Variants in UPF3B observed in about 807,000 individuals in gnomAD.
UPF3B encodes UPF3B regulator of nonsense mediated mRNA decay, also known as regulator of nonsense transcripts 3B.
UPF3B carries 7 observed loss-of-function variants against 40.3 expected under a neutral mutation model. The observed-to-expected ratio is 0.17, with a 90% CI of 0.10 to 0.33. The LOEUF (loss-of-function observed/expected upper bound fraction) is 0.33, where lower values mean the gene tolerates loss of function less well. Ranked by LOEUF, UPF3B falls within the 10% of genes least tolerant of loss-of-function variation. UPF3B has a pLI of 1.00. For synonymous variants in UPF3B, 117 were observed against 117.3 expected, an observed-to-expected ratio of 1.00 and a Z score of 0.01; for missense variants, 229 against 358.9, an observed-to-expected ratio of 0.64 and a Z score of 2.93.
chrX:119,840,796 T>A, intron 7 of UPF3B, 112 bp from the exon 8 acceptor site: 3 of 791,340 alleles, frequency 3.8e-6, no homozygotes, highest in Non-Finnish European at 5.7e-6. Flanking sequence ...TCATTTACTA[T>A]GAATTTAGAG....
Position 119,851,780 on chromosome X carries a change from A to G in UPF3B, c.250T>C (p.Ser84Pro). 1.2e-6 allele frequency: 1 copy of G among 827,117 alleles called. No individual in the cohort carries two copies. Among genetic ancestry groups the G allele is most frequent in the Middle Eastern group, 3.7e-4 (1 of 2,702 alleles). 68.2% of individuals were successfully genotyped at this position (827,117 alleles called of 1,213,427 possible). A position where few individuals can be genotyped will look rare whatever the true frequency, so the allele number is the denominator to read the frequency against. The change falls in exon 2 of 11, where the codon TCT (serine) becomes CCT (proline). Residue 84 changes from serine (S) to proline (P), a missense_variant. Physicochemically the swap from Ser to Pro is moderately conservative, Grantham distance 74 (BLOSUM62 -1). Coordinates refer to ENST00000276201, the MANE Select transcript of UPF3B (RefSeq NM_080632.3). ...TTTTTTTTTTACCTCGTATCATTAG[A>G]AAAAAACTCAAAATAATCATGCTCA... ...MPEHDYFEFF[S>P]NDTSLYPHMY...
intron 4 of UPF3B, among the ~76,000 whole-genome samples, chrX:119,822,515 A>C (rs2055931749): frequency 8.9e-6 from 1 of 112,806 alleles, no homozygotes; most frequent in Admixed American, 9.4e-5. Flanking sequence ...TTGCAAAAAC[A>C]ATAAAATTGT....
intron 3 of UPF3B, among the ~76,000 whole-genome samples, chrX:119,823,305 G>C (rs1001406452): frequency 2.7e-5 from 3 of 111,405 alleles, no homozygotes; most frequent in African/African-American, 6.5e-5. Context: ...CCAGGCTGCA[G>C]TGCAAGTGGC....
chrX:119,843,113 A>C, intron 5 of UPF3B, 78 bp downstream of exon 5: 2 of 666,764 alleles, frequency 3.0e-6, no homozygotes, highest in Non-Finnish European at 4.9e-6. Flanking sequence ...GAAGTCACAC[A>C]GCTAGCAACT....
chrX:119,843,751 T>A (rs2056194053), intron 4 of UPF3B, among the ~76,000 whole-genome samples: 1 of 112,504 alleles, frequency 8.9e-6, no homozygotes, highest in Admixed American at 9.4e-5. Context: ...TGCTTGTTTC[T>A]ATGTGTCACT....
chrX:119,834,989 T>G lies in UPF3B; in HGVS notation c.1341A>C (p.Arg447=), dbSNP rs2056076918. The G allele has an allele frequency of 1.6e-6, 2 of 1,212,175 alleles. No homozygotes were observed. The highest frequency in any genetic ancestry group is 5.9e-5 in the East Asian group (2 of 33,863). ...PAMQLYQPGA[R]SRNRLCPPDD... The stretch of plus-strand genomic sequence containing the variant: ...CAGGGGGACAGAGTCGATTTCGGCT[T>G]CGAGCTCCTGGTTGGTAAAGCTGCA... Residue 447 remains arginine (R), a synonymous_variant, in exon 11 of 11, where the codon CGA becomes CGC. Transcript: ENST00000276201.
rs1419340755 is a variant in UPF3B, at chrX:119,834,122, C to T, written c.*756G>A. 1.3e-6 allele frequency: 1 copy of T among 754,498 alleles called. No homozygotes were observed. Among genetic ancestry groups the T allele is most frequent in the Non-Finnish European group, 1.6e-6 (1 of 639,257 alleles). The allele number at this position is 754,498 out of a possible 1,213,427, so 62.2% of individuals were successfully genotyped here. On this transcript the variant is annotated 3_prime_UTR_variant, in exon 11 of 11. Transcript: ENST00000276201. ...GAATAGACACTGGTGCAGTTTCCTTCCTGGAGAGGGTATGCACTCAGATCA... is the reference window on the plus strand; with the variant it reads ...GAATAGACACTGGTGCAGTTTCCTTTCTGGAGAGGGTATGCACTCAGATCA...
chrX:119,842,382 G>A (rs377641669), intron 5 of UPF3B, among the ~76,000 whole-genome samples: 1 of 110,582 alleles, frequency 9.0e-6, no homozygotes, highest in Non-Finnish European at 1.9e-5. Flanking sequence ...TCAGGAGTTC[G>A]AGATCAGCCT....
chrX:119,821,754 T>C (rs1201999563), intron 4 of UPF3B, among the ~76,000 whole-genome samples: 1 of 109,310 alleles, frequency 9.1e-6, no homozygotes, highest in Non-Finnish European at 1.9e-5. Flanking sequence ...GCCGAGATTG[T>C]GCCACTGCAC....
intron 4 of UPF3B, among the ~76,000 whole-genome samples, chrX:119,816,174 G>C (rs775608836): frequency 8.9e-6 from 1 of 111,757 alleles, no homozygotes; most frequent in African/African-American, 3.2e-5. Context: ...AGGGAGCAAA[G>C]TAGAAGAAAG....
At chrX:119,829,714 G>A (rs2056017384), downstream of UPF3B, among the ~76,000 whole-genome samples, 1 of 111,430 alleles carries the variant, frequency 9.0e-6, no homozygotes, top group Non-Finnish European at 1.9e-5. Context: ...TCAAGGCTGG[G>A]CCCTAGGTCT....
At chrX:119,843,442 TAGAC>T (rs1220417678) in intron 4 of UPF3B, 141 bp from the exon 5 acceptor site, 1 of 446,622 alleles carries the variant, frequency 2.2e-6, no homozygotes, top group Admixed American at 3.9e-5. Flanking sequence ...ACCCACAAGG[TAGAC>T]TATTTAGAGC....
downstream of UPF3B, among the ~76,000 whole-genome samples, chrX:119,829,539 C>G (rs2428223): frequency 3.6e-5 from 4 of 111,959 alleles, no homozygotes; most frequent in African/African-American, 1.3e-4. Flanking sequence ...AGGCATCATA[C>G]TTGACCATTC....
At position 119,838,522 on chromosome X, in the gene UPF3B, G is replaced by C. The variant is rs2056127550; in HGVS notation, c.852C>G (p.Leu284=). ...TTTCATCTCCTTTTTCTGGCTTCTTGAGCAGCTTTAAAGATAAAATGTTTA... is the reference window on the plus strand; with the variant it reads ...TTTCATCTCCTTTTTCTGGCTTCTTCAGCAGCTTTAAAGATAAAATGTTTA... The part of the protein sequence containing the change: ...LLQAVNQKNL[L]KKPEKGDEKE... The change falls in exon 9 of 11, where the codon CTC becomes CTG. Residue 284 remains leucine (L), a synonymous_variant. Transcript: ENST00000276201. The C allele has an allele frequency of 8.3e-7, 1 of 1,209,198 alleles. No individual in the cohort carries two copies. The highest frequency in any genetic ancestry group is 1.1e-6 in the Non-Finnish European group (1 of 894,373).
chrX:119,840,924 A>T, intron 7 of UPF3B, 152 bp downstream of exon 7: 1 of 634,462 alleles, frequency 1.6e-6, no homozygotes, highest in Non-Finnish European at 2.4e-6. Context: ...TAATACTATT[A>T]CAGGAAAGAT....
chrX:119,830,259 T>C (rs1376478738), downstream of UPF3B, among the ~76,000 whole-genome samples: 1 of 111,148 alleles, frequency 9.0e-6, no homozygotes, highest in East Asian at 2.8e-4. Context: ...CCCACCCAAA[T>C]CTCATGGAAA....
At chrX:119,821,364 T>G (rs2055917030) in intron 4 of UPF3B, among the ~76,000 whole-genome samples, 1 of 113,035 alleles carries the variant, frequency 8.8e-6, no homozygotes. Flanking sequence ...AAGAACGGCC[T>G]AATACAGGAG....
rs2056072878 is a variant in UPF3B at position 119,834,704 on chromosome X, T to G, written c.*174A>C. ...AGCAATGAAATTGTACTTCCAATTC[T>G]GAACCTCTGATCAGATTCCTGCTTT... On this transcript the variant is annotated 3_prime_UTR_variant, in exon 11 of 11. Coordinates refer to ENST00000276201, the MANE Select transcript of UPF3B (RefSeq NM_080632.3). The G allele has an allele frequency of 3.6e-6, 4 of 1,119,323 alleles. No homozygotes were observed. The highest frequency in any genetic ancestry group is 3.7e-5 in the African/African-American group (2 of 54,399). The allele number at this position is 1,119,323 out of a possible 1,213,427, so 92.2% of individuals were successfully genotyped here. A position where few individuals can be genotyped will look rare whatever the true frequency, so the allele number is the denominator to read the frequency against.
chrX:119,823,262 A>C, intron 3 of UPF3B, among the ~76,000 whole-genome samples: 1 of 111,324 alleles, frequency 9.0e-6, no homozygotes, highest in Middle Eastern at 4.7e-3. Context: ...GGTTAAATTT[A>C]TTTTCTTTGG....
Sources: gnomAD v4.1 joint callset for allele counts (sites outside exome capture counted in the v4.1 genomes callset) on GRCh38, gnomAD v4.1.1 for gene constraint, MANE v1.5 for transcripts, NCBI Gene and HGNC (gene_info 2026-07-23, HGNC 2026-07-21) for gene names.